The following MYO5B variants were observed in gnomAD, a reference collection of about 807,000 sequenced individuals.
MYO5B encodes the protein unconventional myosin-Vb.
MYO5B carries 143 observed loss-of-function variants against 229.3 expected under a neutral mutation model. The ratio of observed to expected loss-of-function variants is 0.62; its 90% confidence interval spans 0.54 to 0.72. MYO5B has a LOEUF of 0.72. Among genes scored for constraint, MYO5B ranks in the 30% least tolerant of loss-of-function variants. The probability of loss-of-function intolerance (pLI) is 0.00; values close to 1 mark genes in which losing one functional copy is unlikely to be tolerated. For missense variants in MYO5B, 2,321 were observed against 2,331.0 expected, an observed-to-expected ratio of 1.00 and a Z score of 0.09; for synonymous variants, 918 against 885.2, an observed-to-expected ratio of 1.04 and a Z score of -0.66.
chr18:49,912,106 C>T lies in MYO5B; in HGVS notation c.2158G>A (p.Asp720Asn), dbSNP rs1294606731. 1 of 1,614,098 alleles carries T rather than the reference C, an allele frequency of 6.2e-7. No individual in the cohort carries two copies. Among genetic ancestry groups the T allele is most frequent in the East Asian group, 2.2e-5 (1 of 44,878 alleles). ...ACAGACCTGCAGATGGCCTTTTTGT[C>T]TGTGTTGGCGAGCTCTCTCTTCTTG... ...LVKKRELANT[D>N]KKAICRSVLE... Residue 720 changes from aspartate (D) to asparagine (N), a missense_variant, in exon 18 of 40, where the codon GAC becomes AAC. Around this residue, in one of 2 missense-constraint regions of MYO5B, gnomAD observed 2,113 missense variants for 2,044.7 expected, o/e 1.03. Coordinates refer to ENST00000285039, the MANE Select transcript of MYO5B (RefSeq NM_001080467.3).
chr18:49,953,199 T>C (rs1231380553), intron 14 of MYO5B, 61 bp downstream of exon 14: 1 of 1,505,176 alleles, frequency 6.6e-7, no homozygotes, highest in Non-Finnish European at 9.2e-7. Context: ...GCATCACCAC[T>C]CCCTGTCCAG....
chr18:50,024,537 T>C (rs913167253), intron 4 of MYO5B, among the ~76,000 whole-genome samples: 1 of 152,248 alleles, frequency 6.6e-6, no homozygotes, highest in Non-Finnish European at 1.5e-5. Context: ...TCATGAATCA[T>C]TTTATTCTCT....
At chr18:50,023,881 C>A (rs1044072237) in intron 4 of MYO5B, among the ~76,000 whole-genome samples, 1 of 152,118 alleles carries the variant, frequency 6.6e-6, no homozygotes, top group Non-Finnish European at 1.5e-5. Context: ...AAAGATGAAA[C>A]CCTGTCCTAT....
Position 49,824,676 on chromosome 18 carries a change from T to TA in MYO5B, c.*1794dup, listed in dbSNP as rs1393131903. 6.6e-6 allele frequency: 1 copy of TA among 152,128 alleles called. No homozygotes were observed. Among genetic ancestry groups the TA allele is most frequent in the African/African-American group, 2.4e-5 (1 of 41,422 alleles). The allele number at this position is 152,128 out of a possible 1,614,324, so 9.4% of individuals were successfully genotyped here. A position where few individuals can be genotyped will look rare whatever the true frequency, so the allele number is the denominator to read the frequency against. Reference sequence around the variant, plus strand: ...TCCTTCACAAACAACTTTAAAGAGGTAGCCACAAACCCAGTTGTTTTAGAT... The same window carrying TA: ...TCCTTCACAAACAACTTTAAAGAGGTAAGCCACAAACCCAGTTGTTTTAGAT... On this transcript the variant is annotated 3_prime_UTR_variant, in exon 40 of 40. Coordinates refer to ENST00000285039, the MANE Select transcript of MYO5B (RefSeq NM_001080467.3).
intron 1 of MYO5B, among the ~76,000 whole-genome samples, chr18:50,144,495 C>G (rs997114922): frequency 6.6e-6 from 1 of 152,174 alleles, no homozygotes; most frequent in Admixed American, 6.5e-5. Context: ...GACAGTCCCC[C>G]TTCACTCTCC....
chr18:49,961,279 C>T (rs186211329), intron 12 of MYO5B, among the ~76,000 whole-genome samples: 2 of 152,282 alleles, frequency 1.3e-5, no homozygotes, highest in East Asian at 3.9e-4. Flanking sequence ...ATTATCTCTG[C>T]TTGGATACCG....
intron 1 of MYO5B, among the ~76,000 whole-genome samples, chr18:50,179,588 A>G (rs2033044187): frequency 6.6e-6 from 1 of 152,228 alleles, no homozygotes; most frequent in Admixed American, 6.5e-5. Flanking sequence ...AAAACCACAC[A>G]GCAGAGGTGA....
In MYO5B at chr18:49,826,106, G is replaced by A. The variant is rs550721433; in HGVS notation, c.*365C>T. ...CAATTTATGTGACTTATATATATTT[G>A]GTATTTTAATTTGGACATTCTCTAG... On this transcript the variant is annotated 3_prime_UTR_variant, in exon 40 of 40. Coordinates refer to ENST00000285039, the MANE Select transcript of MYO5B (RefSeq NM_001080467.3). The A allele has an allele frequency of 2.1e-5, 6 of 281,248 alleles. No homozygotes were observed. The South Asian group carries it at 2.4e-4, about 11-fold the overall frequency. 17.4% of individuals were successfully genotyped at this position (281,248 alleles called of 1,614,324 possible).
intron 1 of MYO5B, among the ~76,000 whole-genome samples, chr18:50,135,268 C>G (rs975983741): frequency 6.6e-6 from 1 of 152,188 alleles, no homozygotes; most frequent in Non-Finnish European, 1.5e-5. Context: ...TCAAGAAAGC[C>G]TGCTTGCTTT....
rs757908690 is a variant in MYO5B, at chr18:49,837,718, G to A, written c.4937C>T (p.Ala1646Val). 2.5e-6 allele frequency: 4 copies of A among 1,614,066 alleles called. No homozygotes were observed. The South Asian group carries it at 3.3e-5, about 13-fold the overall frequency. ...TGYRKRSSSM[A>V]DGDNSYCLEA... ...CAGGCAGTATGAGTTATCCCCATCT[G>A]CCATGCTGGAGGAGCGCTTCCGGTA... is the stretch of plus-strand genomic sequence containing the variant. Residue 1646 changes from alanine to valine, a missense_variant, in exon 37 of 40, where the codon GCA becomes GTA. Physicochemically the swap from Ala to Val is moderately conservative, Grantham distance 64. Transcript: ENST00000285039.
intron 1 of MYO5B, among the ~76,000 whole-genome samples, chr18:50,078,643 C>T (rs953544087): frequency 1.3e-5 from 2 of 152,160 alleles, no homozygotes; most frequent in Non-Finnish European, 2.9e-5. Context: ...ATGAACGTGT[C>T]AACAGGTAAA....
At chr18:50,080,876 T>C (rs1478516613) in intron 1 of MYO5B, among the ~76,000 whole-genome samples, 1 of 151,912 alleles carries the variant, frequency 6.6e-6, no homozygotes, top group Non-Finnish European at 1.5e-5. Flanking sequence ...ATAGGAGGGG[T>C]CTTTCATCAT....
chr18:49,959,909 G>A lies in MYO5B; in HGVS notation c.1545+2357C>T, dbSNP rs188081073. On this transcript the variant is annotated intron_variant, in intron 12 of 39. Transcript: ENST00000285039. ...TTGCTGACACTCAAACACCTTCTTG[G>A]AGGAGTGGGCTTGGGTAACGGAGGA... Among the ~76,000 whole-genome samples the A allele has an allele frequency of 2.0e-4, 31 of 152,262 alleles. No individual in the cohort carries two copies. In the East Asian group the frequency reaches 3.7e-3, roughly 18 times the overall value.
chr18:49,912,340 C>G lies in MYO5B; in HGVS notation c.2091-167G>C, dbSNP rs564109059. Among the ~76,000 whole-genome samples, 27 of 152,180 alleles carry G rather than the reference C, an allele frequency of 1.8e-4. No individual in the cohort carries two copies. In the South Asian group the frequency reaches 5.0e-3, roughly 28 times the overall value. Reference sequence around the variant, plus strand: ...GGAGTTTTGTCCTCCCCAGTGCCCTCCAAGAATTTCACTGTGAATGTGATT... The same window carrying G: ...GGAGTTTTGTCCTCCCCAGTGCCCTGCAAGAATTTCACTGTGAATGTGATT... On this transcript the variant is annotated intron_variant, in intron 17 of 39. Transcript: ENST00000285039.
intron 1 of MYO5B, among the ~76,000 whole-genome samples, chr18:50,123,525 G>A (rs947365130): frequency 2.6e-5 from 4 of 152,022 alleles, no homozygotes; most frequent in African/African-American, 9.7e-5. Context: ...TCAGGAATTC[G>A]AGACCAGCCT....
intron 1 of MYO5B, among the ~76,000 whole-genome samples, chr18:50,132,093 C>G (rs2032263268): frequency 6.6e-6 from 1 of 152,206 alleles, no homozygotes; most frequent in South Asian, 2.1e-4. Context: ...GTTTTCTTCC[C>G]TCTTCCCAAG....
chr18:49,909,054 C>G (rs572424897), intron 18 of MYO5B, among the ~76,000 whole-genome samples: 1 of 152,306 alleles, frequency 6.6e-6, no homozygotes, highest in Non-Finnish European at 1.5e-5. Context: ...TGCAGGCCAC[C>G]TTTGTCCCCA....
chr18:50,090,098 A>G (rs896003559), intron 1 of MYO5B, among the ~76,000 whole-genome samples: 1 of 152,078 alleles, frequency 6.6e-6, no homozygotes, highest in African/African-American at 2.4e-5. Flanking sequence ...TGTACGAGGG[A>G]GCTTCCTCCT....
intron 10 of MYO5B, among the ~76,000 whole-genome samples, chr18:49,963,399 A>AT (rs1463355432): frequency 1.0e-3 from 120 of 120,514 alleles, no homozygotes; most frequent in South Asian, 4.8e-3. Flanking sequence ...TACTTATTTA[A>AT]TTTAATTAAT....
Sources: allele counts gnomAD v4.1 joint callset (sites outside exome capture counted in the v4.1 genomes callset), GRCh38; gene constraint gnomAD v4.1.1; regional missense constraint gnomAD v4.1.1; transcripts MANE v1.5; gene names NCBI Gene and HGNC (gene_info 2026-07-23, HGNC 2026-07-21).